Variants in ABCA1 observed in about 807,000 individuals in gnomAD.
The protein encoded by ABCA1 is phospholipid-transporting ATPase ABCA1.
A neutral mutation model predicts 262.5 loss-of-function variants in ABCA1; 133 were observed. The ratio of observed to expected loss-of-function variants is 0.51; its 90% CI spans 0.44 to 0.59. ABCA1 has a LOEUF of 0.59. ABCA1 is among the 20% of genes least tolerant of loss of function. ABCA1 has a pLI of 0.00. For missense variants in ABCA1, 2,452 were observed against 2,777.5 expected, an observed-to-expected ratio of 0.88 and a Z score of 2.63; for synonymous variants, 1,022 against 1,043.5, an observed-to-expected ratio of 0.98 and a Z score of 0.40.
In ABCA1 at chr9:104,785,611, G is replaced by A. The variant is rs776238691; in HGVS notation, c.6430C>T (p.Arg2144Ter). ...RFGDGYTIVV[R>*]IAGSNPDLKP... ...AGGTCCGGGTTGGACCCTGCTATTC[G>A]TACAACTATTGTATAACCATCTCCA... Residue 2144 changes from arginine (R) to a stop codon, truncating the protein, a stop_gained, in exon 49 of 50, where the codon CGA (arginine) becomes TGA (stop). Transcript: ENST00000374736. LOFTEE classifies it high-confidence loss of function. 3.1e-6 allele frequency: 5 copies of A among 1,614,016 alleles called. No individual in the cohort carries two copies. Among genetic ancestry groups the A allele is most frequent in the African/African-American group, 1.3e-5 (1 of 75,018 alleles).
intron 1 of ABCA1, among the ~76,000 whole-genome samples, chr9:104,914,988 C>T (rs964697168): frequency 4.6e-5 from 7 of 152,184 alleles, no homozygotes; most frequent in Admixed American, 3.3e-4. Flanking sequence ...GCAAGGGCAC[C>T]TTCCCCGGAG....
intron 7 of ABCA1, chr9:104,855,680 A>G: frequency 6.7e-7 from 1 of 1,497,650 alleles, no homozygotes; most frequent in South Asian, 1.4e-5. Context: ...GTGTATGTAG[A>G]AGAAGAGAAA....
chr9:104,784,515 T>A, intron 49 of ABCA1, 60 bp from the exon 50 acceptor site: 1 of 1,602,818 alleles, frequency 6.2e-7, no homozygotes, highest in South Asian at 1.1e-5. Context: ...TTCTTTATTC[T>A]AGTTCTATTT....
chr9:104,810,181 T>A (rs1441055085), intron 29 of ABCA1, among the ~76,000 whole-genome samples: 10 of 146,626 alleles, frequency 6.8e-5, no homozygotes, highest in African/African-American at 9.9e-5. Context: ...TTTTTTTTTT[T>A]AAATGCTTCC....
chr9:104,869,947 T>C (rs1453693694), intron 5 of ABCA1, among the ~76,000 whole-genome samples: 1 of 152,204 alleles, frequency 6.6e-6, no homozygotes, highest in Non-Finnish European at 1.5e-5. Context: ...CTAAGTGTGT[T>C]AAGTACTCTG....
chr9:104,840,559 G>T, intron 8 of ABCA1, 40 bp from the exon 9 acceptor site: 7 of 1,592,042 alleles, frequency 4.4e-6, no homozygotes, highest in Non-Finnish European at 6.0e-6. Flanking sequence ...GGTAGGGGAA[G>T]GGAGAAAAGG....
intron 30 of ABCA1, among the ~76,000 whole-genome samples, chr9:104,806,940 G>C (rs578103904): frequency 1.3e-5 from 2 of 152,270 alleles, no homozygotes; most frequent in African/African-American, 4.8e-5. Flanking sequence ...AGACATTTCA[G>C]CCAAAACATA....
intron 1 of ABCA1, among the ~76,000 whole-genome samples, chr9:104,920,753 G>A (rs552148184): frequency 7.9e-5 from 12 of 152,200 alleles, no homozygotes; most frequent in African/African-American, 1.4e-4. Flanking sequence ...CTCATGATCC[G>A]CCCACCTTGG....
intron 7 of ABCA1, among the ~76,000 whole-genome samples, chr9:104,854,521 C>T (rs1222607369): frequency 6.6e-6 from 1 of 152,036 alleles, no homozygotes; most frequent in Non-Finnish European, 1.5e-5. Flanking sequence ...TGGTCCACTA[C>T]TATGGCTCCT....
intron 8 of ABCA1, among the ~76,000 whole-genome samples, chr9:104,844,461 C>T (rs1431055418): frequency 6.6e-6 from 1 of 152,084 alleles, no homozygotes; most frequent in Non-Finnish European, 1.5e-5. Context: ...GGAAGAAATA[C>T]ACTAACGTAT....
rs375968445 is a variant in ABCA1, at chr9:104,785,523, C to T, written c.6518G>A (p.Arg2173Gln). The T allele has an allele frequency of 4.3e-6, 7 of 1,613,306 alleles. No individual in the cohort carries two copies. Among genetic ancestry groups the T allele is most frequent in the East Asian group, 2.2e-5 (1 of 44,826 alleles). ...FPGSVLKEKH[R>Q]NMLQYQLPSS... Reference sequence around the variant, plus strand: ...TGGAAGCTGGTATTGTAGCATGTTCCGGTGTTTCTCTTTTAGAACACTTCC... The same window carrying T: ...TGGAAGCTGGTATTGTAGCATGTTCTGGTGTTTCTCTTTTAGAACACTTCC... Residue 2173 changes from arginine to glutamine, a missense_variant, in exon 49 of 50, where the codon CGG (arginine) becomes CAG (glutamine). Around this residue, in one of 4 missense-constraint regions of ABCA1, gnomAD observed 752 missense variants for 944.5 expected, o/e 0.80. Coordinates refer to ENST00000374736, the MANE Select transcript of ABCA1 (RefSeq NM_005502.4).
intron 1 of ABCA1, among the ~76,000 whole-genome samples, chr9:104,926,326 T>C (rs1246356776): frequency 6.6e-6 from 1 of 152,096 alleles, no homozygotes; most frequent in African/African-American, 2.4e-5. Flanking sequence ...TTAATCTTAT[T>C]TCTTTGCTTC....
At chr9:104,818,939 G>A in intron 22 of ABCA1, 56 bp from the exon 23 acceptor site, 1 of 1,486,060 alleles carries the variant, frequency 6.7e-7, no homozygotes, top group Non-Finnish European at 9.2e-7. Flanking sequence ...GTTCTGATTT[G>A]TCACAGTGAC....
At position 104,800,397 on chromosome 9, in the gene ABCA1, G is replaced by A. The variant is rs1042048034; in HGVS notation, c.4773+113C>T. The A allele has an allele frequency of 7.2e-6, 7 of 976,928 alleles. No homozygotes were observed. The South Asian group carries it at 7.9e-5, about 11-fold the overall frequency. The allele number at this position is 976,928 out of a possible 1,614,324, so 60.5% of individuals were successfully genotyped here. On this transcript the variant is annotated intron_variant, in intron 35 of 49. Coordinates refer to ENST00000374736, the MANE Select transcript of ABCA1 (RefSeq NM_005502.4). ...GCCTCACTGGTAAAGTTAATAGTTT[G>A]CTCTTTTCTGTTGTGAATGCCCCTG...
At chr9:104,873,618 C>G (rs1368587789) in intron 5 of ABCA1, among the ~76,000 whole-genome samples, 1 of 152,196 alleles carries the variant, frequency 6.6e-6, no homozygotes, top group Non-Finnish European at 1.5e-5. Context: ...CCTATTACTG[C>G]CCCTTGCCAG....
rs1564147489 is a variant in ABCA1, at chr9:104,831,058, G to GC, written c.1758dup (p.Arg587AlafsTer43). ...TAGGCGAAGCCCCCCCAGACGTACC[G>GC]CATGTCCTCAAAGGGGTCAGCTCGA... On this transcript the variant is annotated frameshift_variant, in exon 14 of 50. Coordinates refer to ENST00000374736, the MANE Select transcript of ABCA1 (RefSeq NM_005502.4). LOFTEE classifies it high-confidence loss of function. 3.7e-6 allele frequency: 6 copies of GC among 1,610,890 alleles called. No homozygotes were observed. Among genetic ancestry groups the GC allele is most frequent in the Non-Finnish European group, 4.2e-6 (5 of 1,179,662 alleles).
chr9:104,874,379 C>A (rs1037342537), intron 5 of ABCA1, among the ~76,000 whole-genome samples: 2 of 152,122 alleles, frequency 1.3e-5, no homozygotes, highest in African/African-American at 4.8e-5. Context: ...AAATGGCCAA[C>A]ATGGCAAAAC....
At chr9:104,899,741 C>G (rs1453384770) in intron 2 of ABCA1, among the ~76,000 whole-genome samples, 1 of 151,734 alleles carries the variant, frequency 6.6e-6, no homozygotes. Context: ...CATGACTAGT[C>G]AGATCTATTT....
At chr9:104,792,992 A>T in intron 41 of ABCA1, 86 bp from the exon 42 acceptor site, 1 of 1,603,930 alleles carries the variant, frequency 6.2e-7, no homozygotes. Context: ...TATAAAACCT[A>T]CTTGCCACAG....
Sources: gnomAD v4.1 joint callset for allele counts (sites outside exome capture counted in the v4.1 genomes callset) on GRCh38, gnomAD v4.1.1 for gene constraint, gnomAD v4.1.1 regional missense constraint, MANE v1.5 for transcripts, NCBI Gene and HGNC (gene_info 2026-07-23, HGNC 2026-07-21) for gene names.